TRAPPC4: variants seen among roughly 807,000 people sequenced by gnomAD.
The protein encoded by TRAPPC4 is trafficking protein particle complex subunit 4.
A neutral mutation model predicts 23.5 loss-of-function variants in TRAPPC4; 30 were observed. The ratio of observed to expected loss-of-function variants is 1.28; its 90% CI spans 0.96 to 1.73. TRAPPC4 has a LOEUF of 1.73. Among genes scored for constraint, TRAPPC4 ranks in the 40% most tolerant of loss-of-function variants. TRAPPC4 has a pLI of 0.00. For missense variants in TRAPPC4, 252 were observed against 268.9 expected (o/e 0.94, Z 0.44); for synonymous variants, 129 against 105.3 (o/e 1.23, Z -1.38).
chr11:119,020,524 T>C, intron 3 of TRAPPC4: 1 of 317,284 alleles, frequency 3.2e-6, no homozygotes, highest in Non-Finnish European at 6.1e-6. Context: ...TGCCTCAGGC[T>C]CCCAAATAGC....
At chr11:119,022,979 T>TTC (rs1322880998) in intron 4 of TRAPPC4, 1 of 146,064 alleles carries the variant, frequency 6.8e-6, no homozygotes, top group African/African-American at 2.5e-5. Flanking sequence ...TTTTTTTTTT[T>TTC]TGAGACTGAG....
At position 119,021,761 on chromosome 11, in the gene TRAPPC4, G is replaced by A. The variant is rs368053696; in HGVS notation, c.456G>A (p.Gly152=). The change falls in exon 4 of 5, where the codon GGG becomes GGA. Residue 152 remains glycine (G), a splice_region_variant and synonymous_variant. Transcript: ENST00000533632. ...FKLHCYQTLT[G]IKFVVLADPR... is the part of the protein sequence containing the mutation. ...TAACCATTCTTGGTCTCTCTCCAGG[G>A]ATCAAGTTTGTGGTTCTAGCAGATC... 74 of 1,614,086 alleles carry A rather than the reference G, an allele frequency of 4.6e-5. No individual in the cohort carries two copies. The African/African-American group carries it at 9.3e-4, about 20-fold the overall frequency.
At chr11:119,021,676 A>G in intron 3 of TRAPPC4, 84 bp from the exon 4 acceptor site, 19 of 1,501,794 alleles carry the variant, frequency 1.3e-5, no homozygotes, top group Non-Finnish European at 1.7e-5. Flanking sequence ...GTGTTTTGCA[A>G]AATTGAAAGT....
chr11:119,023,188 G>C lies in TRAPPC4; in HGVS notation c.582-133G>C, dbSNP rs1382510495. 1.6e-5 allele frequency: 13 copies of C among 791,312 alleles called. No individual in the cohort carries two copies. The Admixed American group carries it at 2.5e-4, about 15-fold the overall frequency. The allele number at this position is 791,312 out of a possible 1,614,324, so 49.0% of individuals were successfully genotyped here. On this transcript the variant is annotated intron_variant, in intron 4 of 4. Transcript: ENST00000533632. ...CCATATTGGCCAGGCTAGTCTCAAA[G>C]TCCTGACCTCAGCTGATCCGCCCAC...
chr11:119,022,725 G>T (rs1399097608), intron 4 of TRAPPC4, among the ~76,000 whole-genome samples: 2 of 151,930 alleles, frequency 1.3e-5, no homozygotes, highest in African/African-American at 4.8e-5. Context: ...CCCCATCTCT[G>T]CTAAAAATAC....
At chr11:119,021,665 A>C in intron 3 of TRAPPC4, 95 bp from the exon 4 acceptor site, 1 of 1,369,644 alleles carries the variant, frequency 7.3e-7, no homozygotes. Context: ...GGCTTATGAA[A>C]GTGTTTTGCA....
intron 3 of TRAPPC4, chr11:119,020,508 T>C (rs1250095851): frequency 2.9e-6 from 1 of 339,464 alleles, no homozygotes; most frequent in Non-Finnish European, 5.6e-6. Flanking sequence ...GTTCAAGCGA[T>C]TCTCCTGCCT....
At chr11:119,020,059 G>C in intron 2 of TRAPPC4, 91 bp from the exon 3 acceptor site, 1 of 831,262 alleles carries the variant, frequency 1.2e-6, no homozygotes, top group Non-Finnish European at 2.0e-6. Flanking sequence ...GTCCCAGGCT[G>C]TAATGTGAAC....
rs71048033 is a variant in TRAPPC4, at chr11:119,022,957, G to GTTTTTTTTTTTTTTTTTTTTTTTTT, written c.582-341_582-340insTTTTTTTTTTTTTTTTTTTTTTTTT. On this transcript the variant is annotated intron_variant, in intron 4 of 4. Coordinates refer to ENST00000533632, the MANE Select transcript of TRAPPC4 (RefSeq NM_016146.6). Reference sequence around the variant, plus strand: ...TGTTTGTGGGGTTTTTTTTGTTGATGTTTTTTTTTTTTTTTTTTTTTTTGA... The same window carrying GTTTTTTTTTTTTTTTTTTTTTTTTT: ...TGTTTGTGGGGTTTTTTTTGTTGATGTTTTTTTTTTTTTTTTTTTTTTTTTTTTTTTTTTTTTTTTTTTTTTTTGA... The GTTTTTTTTTTTTTTTTTTTTTTTTT allele has an allele frequency of 2.3e-5, 2 of 85,500 alleles. 1 individual carries two copies. 5.3% of individuals were successfully genotyped at this position (85,500 alleles called of 1,614,324 possible).
rs200920937 is a variant in TRAPPC4, at chr11:119,021,848, C to A, written c.543C>A (p.Ala181=). Residue 181 remains alanine (A), a synonymous_variant, in exon 4 of 5, where the codon GCC becomes GCA. Coordinates refer to ENST00000533632, the MANE Select transcript of TRAPPC4 (RefSeq NM_016146.6). ...RKIYEIYSDF[A]LKNPFYSLEM... The stretch of plus-strand genomic sequence containing the variant: ...TTTATGAGATTTACTCAGACTTTGC[C>A]CTCAAGAATCCATTCTATTCCTTAG... The A allele has an allele frequency of 6.2e-6, 10 of 1,614,130 alleles. No individual in the cohort carries two copies. In the South Asian group the frequency reaches 1.1e-4, roughly 18 times the overall value.
At position 119,018,791 on chromosome 11, in the gene TRAPPC4, C is replaced by G. The variant is rs530234663; in HGVS notation, c.-5C>G. On this transcript the variant is annotated 5_prime_UTR_variant, in exon 1 of 5. Coordinates refer to ENST00000533632, the MANE Select transcript of TRAPPC4 (RefSeq NM_016146.6). The stretch of plus-strand genomic sequence containing the variant: ...GAATACCAGTTTCCGAGCGGCAAGG[C>G]AGCGATGGCGATTTTTAGTGTGTAT... 1.1e-5 allele frequency: 18 copies of G among 1,610,884 alleles called. No homozygotes were observed. The highest frequency in any genetic ancestry group is 2.7e-5 in the African/African-American group (2 of 74,700).
intron 3 of TRAPPC4, 71 bp downstream of exon 3, chr11:119,020,324 C>T (rs782766975): frequency 6.1e-6 from 8 of 1,302,790 alleles, no homozygotes; most frequent in Non-Finnish European, 7.6e-6. Context: ...AAGTTTGCAT[C>T]TCCAGGTGGG....
At position 119,023,413 on chromosome 11, in the gene TRAPPC4, T is replaced by C. The variant is rs943103596; in HGVS notation, c.*14T>C. The C allele has an allele frequency of 3.1e-6, 5 of 1,613,102 alleles. No individual in the cohort carries two copies. Among genetic ancestry groups the C allele is most frequent in the African/African-American group, 1.3e-5 (1 of 74,896 alleles). ...CCTGGGTCATAGGCTGAACCTGTTA[T>C]GGACCCCCAAATTCTGAGAGTTCCT... On this transcript the variant is annotated 3_prime_UTR_variant, in exon 5 of 5. Transcript: ENST00000533632.
chr11:119,021,479 G>T, intron 3 of TRAPPC4: 1 of 279,992 alleles, frequency 3.6e-6, no homozygotes, highest in Non-Finnish European at 6.8e-6. Flanking sequence ...CCCCTGCCTG[G>T]CAATGTTTCT....
At chr11:119,021,943 C>T in intron 4 of TRAPPC4, 57 bp downstream of exon 4, 1 of 1,597,808 alleles carries the variant, frequency 6.3e-7, no homozygotes, top group Non-Finnish European at 8.5e-7. Context: ...TCCCTGTGTG[C>T]TCTGTCCAAA....
At chr11:119,019,530 C>T in intron 2 of TRAPPC4, 1 of 543,360 alleles carries the variant, frequency 1.8e-6, no homozygotes, top group Non-Finnish European at 3.3e-6. Flanking sequence ...CAGCCTCTGC[C>T]TCCCAGGTTC....
intron 3 of TRAPPC4, 89 bp from the exon 4 acceptor site, chr11:119,021,671 T>C (rs1943361134): frequency 6.9e-7 from 1 of 1,453,152 alleles, no homozygotes. Context: ...TGAAAGTGTT[T>C]TGCAAAATTG....
rs77314616 is a variant in TRAPPC4, at chr11:119,024,106, C to T, written c.*707C>T. The T allele has an allele frequency of 1.3e-5, 2 of 152,948 alleles. No individual in the cohort carries two copies. The highest frequency in any genetic ancestry group is 2.9e-5 in the Non-Finnish European group (2 of 68,618). 9.5% of individuals were successfully genotyped at this position (152,948 alleles called of 1,614,324 possible). ...CTACACACTCAGTAAACCACTGTTA[C>T]ACTTCTTCCCTCCATCAAGTTATTT... On this transcript the variant is annotated 3_prime_UTR_variant, in exon 5 of 5. Coordinates refer to ENST00000533632, the MANE Select transcript of TRAPPC4 (RefSeq NM_016146.6).
chr11:119,022,221 T>C (rs1943380288), intron 4 of TRAPPC4, among the ~76,000 whole-genome samples: 1 of 152,148 alleles, frequency 6.6e-6, no homozygotes, highest in Non-Finnish European at 1.5e-5. Flanking sequence ...CGGCCTCAGG[T>C]GATCCACCTG....
Sources: gnomAD v4.1 joint callset for allele counts (sites outside exome capture counted in the v4.1 genomes callset) on GRCh38, gnomAD v4.1.1 for gene constraint, MANE v1.5 for transcripts, NCBI Gene and HGNC (gene_info 2026-07-23, HGNC 2026-07-21) for gene names.